The following MYO10 variants were observed in gnomAD, a reference collection of about 807,000 sequenced individuals.
The protein encoded by MYO10 is myosin X, also known as unconventional myosin-X.
MYO10 carries 133 observed loss-of-function variants against 257.3 expected under a neutral mutation model. That is an observed-to-expected ratio of 0.52 (90% confidence interval 0.45 to 0.60). MYO10 has a LOEUF of 0.60. Ranked by LOEUF, MYO10 falls within the 20% of genes least tolerant of loss-of-function variation. The pLI, the probability that MYO10 is intolerant of heterozygous loss-of-function variation, is 0.00. For synonymous variants in MYO10, 1,104 were observed against 1,028.6 expected (o/e 1.07, Z -1.40); for missense variants, 2,399 against 2,635.7 (o/e 0.91, Z 1.97).
intron 1 of MYO10, among the ~76,000 whole-genome samples, chr5:16,888,070 C>G (rs1457647826): frequency 2.0e-5 from 3 of 152,134 alleles, no homozygotes; most frequent in Non-Finnish European, 4.4e-5. Flanking sequence ...AAAGAATCAG[C>G]CAACATGCCT....
chr5:16,802,956 T>A lies in MYO10; in HGVS notation c.280-8123A>T, dbSNP rs184681831. On this transcript the variant is annotated intron_variant, in intron 3 of 40. Transcript: ENST00000513610. Reference sequence around the variant, plus strand: ...CTCTCTCTCAAAAAAAAAAAAAAATTTACCCATGTGTGGTAGCACATGCCT... The same window carrying A: ...CTCTCTCTCAAAAAAAAAAAAAAATATACCCATGTGTGGTAGCACATGCCT... Among the ~76,000 whole-genome samples, 133 of 149,688 alleles carry A rather than the reference T, an allele frequency of 8.9e-4. 1 individual carries two copies. Among genetic ancestry groups the A allele is most frequent in the Non-Finnish European group, 1.4e-3 (96 of 67,556 alleles).
chr5:16,928,228 G>A (rs1014633540), intron 1 of MYO10, among the ~76,000 whole-genome samples: 5 of 151,942 alleles, frequency 3.3e-5, no homozygotes, highest in Admixed American at 2.0e-4. Context: ...CAATTTTGGA[G>A]ACAGTCTCCC....
At chr5:16,870,906 A>G (rs1744440769) in intron 2 of MYO10, among the ~76,000 whole-genome samples, 1 of 152,172 alleles carries the variant, frequency 6.6e-6, no homozygotes, top group African/African-American at 2.4e-5. Flanking sequence ...CACACAAAAA[A>G]AATTCTCTGA....
intron 3 of MYO10, among the ~76,000 whole-genome samples, chr5:16,799,647 T>G (rs970726229): frequency 2.6e-4 from 39 of 152,170 alleles, no homozygotes; most frequent in African/African-American, 9.1e-4. Flanking sequence ...TGTGTGCCCC[T>G]ACGCCCACCT....
chr5:16,775,739 ACTACAGG>A (rs1436348524), intron 9 of MYO10, among the ~76,000 whole-genome samples: 1 of 150,530 alleles, frequency 6.6e-6, no homozygotes, highest in Non-Finnish European at 1.5e-5. Flanking sequence ...AGTAGCTGGG[ACTACAGG>A]CACGTGCCAC....
intron 2 of MYO10, among the ~76,000 whole-genome samples, chr5:16,822,151 G>A (rs1742839223): frequency 6.6e-6 from 1 of 152,232 alleles, no homozygotes; most frequent in African/African-American, 2.4e-5. Flanking sequence ...AGAGCATCAG[G>A]AAGAATAGCT....
intron 19 of MYO10, among the ~76,000 whole-genome samples, chr5:16,717,972 C>A (rs1192183906): frequency 1.3e-5 from 2 of 152,182 alleles, no homozygotes; most frequent in South Asian, 2.1e-4. Context: ...GAGCGGGAAC[C>A]GGGGCTGCGT....
At chr5:16,884,458 G>A (rs1387612205) in intron 1 of MYO10, among the ~76,000 whole-genome samples, 2 of 152,090 alleles carry the variant, frequency 1.3e-5, no homozygotes, top group Non-Finnish European at 2.9e-5. Context: ...AATTAATATG[G>A]CTATTTAAAT....
At chr5:16,727,200 T>C (rs1739404144) in intron 19 of MYO10, among the ~76,000 whole-genome samples, 1 of 152,256 alleles carries the variant, frequency 6.6e-6, no homozygotes, top group South Asian at 2.1e-4. Context: ...AAACAATTTT[T>C]TTTTACACTT....
intron 4 of MYO10, among the ~76,000 whole-genome samples, chr5:16,793,060 A>G (rs963154495): frequency 2.0e-5 from 3 of 152,186 alleles, no homozygotes; most frequent in Non-Finnish European, 4.4e-5. Flanking sequence ...TGGCAGCTTT[A>G]CAAGACTGTG....
intron 18 of MYO10, among the ~76,000 whole-genome samples, chr5:16,757,516 CAT>C (rs564091346): frequency 5.6e-4 from 86 of 152,258 alleles, no homozygotes; most frequent in African/African-American, 1.9e-3. Flanking sequence ...CCCATTTCCA[CAT>C]GAGTCTCTAA....
At chr5:16,698,629 T>G (rs1199940903) in intron 26 of MYO10, among the ~76,000 whole-genome samples, 6 of 136,046 alleles carry the variant, frequency 4.4e-5, no homozygotes, top group Non-Finnish European at 7.6e-5. Context: ...TGCAGTTTTT[T>G]TTTTTTTTTT....
intron 4 of MYO10, among the ~76,000 whole-genome samples, chr5:16,787,982 C>T (rs370798966): frequency 1.3e-5 from 2 of 152,048 alleles, no homozygotes; most frequent in African/African-American, 2.4e-5. Flanking sequence ...TTAGTAGAGA[C>T]GGAGTTTCAC....
intron 2 of MYO10, among the ~76,000 whole-genome samples, chr5:16,840,842 T>A (rs562009040): frequency 1.5e-4 from 23 of 151,932 alleles, no homozygotes; most frequent in Non-Finnish European, 2.8e-4. Context: ...AAATTTTTTT[T>A]AAAAAAGGAG....
At chr5:16,787,122 T>G (rs1270065800) in intron 4 of MYO10, among the ~76,000 whole-genome samples, 1 of 151,984 alleles carries the variant, frequency 6.6e-6, no homozygotes, top group Non-Finnish European at 1.5e-5. Flanking sequence ...TGAGCAGAGA[T>G]TGCATCACTG....
chr5:16,885,095 T>C (rs759409443), intron 1 of MYO10, among the ~76,000 whole-genome samples: 2 of 152,046 alleles, frequency 1.3e-5, no homozygotes, highest in Non-Finnish European at 2.9e-5. Flanking sequence ...TGCAGTCTAA[T>C]TCAAATCCTT....
chr5:16,759,951 A>G (rs1740654310), intron 17 of MYO10, among the ~76,000 whole-genome samples: 1 of 152,102 alleles, frequency 6.6e-6, no homozygotes, highest in East Asian at 1.9e-4. Context: ...CTTTGTCCCA[A>G]TTCATTCCTA....
At chr5:16,757,119 TAA>T (rs58155620) in intron 18 of MYO10, among the ~76,000 whole-genome samples, 91 of 100,128 alleles carry the variant, frequency 9.1e-4, no homozygotes, top group African/African-American at 2.7e-3. Context: ...ACTCTGCCTT[TAA>T]AAAAAAAAAA....
At chr5:16,727,075 T>C (rs1290383281) in intron 19 of MYO10, among the ~76,000 whole-genome samples, 23 of 152,184 alleles carry the variant, frequency 1.5e-4, no homozygotes. Context: ...TTTCAAAAAC[T>C]TAGTATGAAA....
Sources: allele counts gnomAD v4.1 joint callset (sites outside exome capture counted in the v4.1 genomes callset), GRCh38; gene constraint gnomAD v4.1.1; transcripts MANE v1.5; gene names NCBI Gene and HGNC (gene_info 2026-07-23, HGNC 2026-07-21).